Variants in P2RY14 observed in about 807,000 individuals in gnomAD.
P2RY14 encodes the protein purinergic receptor P2Y14.
A neutral mutation model predicts 0.9 loss-of-function variants in P2RY14; 2 were observed. The observed-to-expected ratio is 2.16, with a 90% CI of 0.88 to 6.79. The LOEUF is 6.79. P2RY14 is among the 30% of genes most tolerant of loss of function. The pLI, the probability that P2RY14 is intolerant of heterozygous loss-of-function variation, is 0.05. For missense variants in P2RY14, 378 were observed against 400.1 expected (o/e 0.94, Z 0.47); for synonymous variants, 158 against 147.2 (o/e 1.07, Z -0.53).
intron 1 of P2RY14, among the ~76,000 whole-genome samples, chr3:151,267,707 G>C (rs1040025845): frequency 3.9e-5 from 6 of 152,040 alleles, no homozygotes; most frequent in African/African-American, 1.4e-4. Flanking sequence ...GTTTTCAACA[G>C]AGCTGCTGTG....
At chr3:151,234,669 C>A (rs1422472048) in intron 1 of P2RY14, among the ~76,000 whole-genome samples, 1 of 152,206 alleles carries the variant, frequency 6.6e-6, no homozygotes, top group East Asian at 1.9e-4. Flanking sequence ...AGAGCCCCTA[C>A]AACTAGGACC....
chr3:151,265,741 C>T (rs1318336062), intron 1 of P2RY14, among the ~76,000 whole-genome samples: 1 of 152,134 alleles, frequency 6.6e-6, no homozygotes, highest in Non-Finnish European at 1.5e-5. Context: ...CCATCTCAGC[C>T]TCACCAAGAG....
chr3:151,216,068 A>G (rs780917731), intron 2 of P2RY14, among the ~76,000 whole-genome samples: 1 of 152,152 alleles, frequency 6.6e-6, no homozygotes, highest in South Asian at 2.1e-4. Flanking sequence ...TCTTTCTCCT[A>G]TCAACACTCC....
At chr3:151,249,663 A>G (rs1320128045) in intron 1 of P2RY14, among the ~76,000 whole-genome samples, 1 of 152,110 alleles carries the variant, frequency 6.6e-6, no homozygotes, top group Admixed American at 6.6e-5. Flanking sequence ...CCAGCCTTGA[A>G]TGGGGGCTTT....
intron 1 of P2RY14, chr3:151,269,422 CACACACACACACACACACAA>C (rs1361224071): frequency 4.7e-6 from 1 of 214,286 alleles, no homozygotes; most frequent in African/African-American, 2.4e-5. Context: ...CACACACACA[CACACACACACACACACACAA>C]AATTCAGAGA....
chr3:151,262,873 T>G (rs745642504), intron 1 of P2RY14, among the ~76,000 whole-genome samples: 8 of 152,148 alleles, frequency 5.3e-5, no homozygotes, highest in Non-Finnish European at 1.2e-4. Context: ...GTCTCCTCAG[T>G]TAAATGATAG....
chr3:151,232,775 G>A (rs985634428), intron 1 of P2RY14, among the ~76,000 whole-genome samples: 1 of 152,118 alleles, frequency 6.6e-6, no homozygotes, highest in African/African-American at 2.4e-5. Flanking sequence ...AGACACTGAG[G>A]CTTACTTGAG....
chr3:151,261,420 A>C (rs1738862757), intron 1 of P2RY14: 3 of 152,140 alleles, frequency 2.0e-5, no homozygotes, highest in Non-Finnish European at 4.4e-5. Flanking sequence ...GATGGTGGCC[A>C]TGGCTTGCTA....
rs113243663 is a variant in P2RY14 at position 151,247,306 on chromosome 3, A to G, written c.-132-27664T>C. ...ATAAATCATGCTGCTATAAAGACAC[A>G]TGCACACGTATGTTTATTGTGGCAT... is the stretch of plus-strand genomic sequence containing the variant. On this transcript the variant is annotated intron_variant, in intron 1 of 2. Coordinates refer to ENST00000309170, the MANE Select transcript of P2RY14 (RefSeq NM_014879.4). Among the ~76,000 whole-genome samples the G allele has an allele frequency of 6.8e-3, 1,038 of 152,222 alleles. 7 individuals carry two copies. The highest frequency in any genetic ancestry group is 0.015 in the South Asian group (70 of 4,802).
At chr3:151,268,927 G>A (rs945834203) in intron 1 of P2RY14, among the ~76,000 whole-genome samples, 4 of 152,168 alleles carry the variant, frequency 2.6e-5, no homozygotes, top group Non-Finnish European at 1.5e-5. Context: ...AAAAAATTAA[G>A]TTTTCTGAGC....
chr3:151,217,708 G>A (rs1728515963), intron 2 of P2RY14, among the ~76,000 whole-genome samples: 1 of 152,134 alleles, frequency 6.6e-6, no homozygotes, highest in Non-Finnish European at 1.5e-5. Context: ...CATCTTAAAG[G>A]AACACTCTAA....
intron 1 of P2RY14, among the ~76,000 whole-genome samples, chr3:151,242,054 C>T (rs546231416): frequency 5.9e-5 from 9 of 152,256 alleles, no homozygotes; most frequent in African/African-American, 1.7e-4. Flanking sequence ...CCGAATACTG[C>T]GCTTTTCCGA....
intron 1 of P2RY14, among the ~76,000 whole-genome samples, chr3:151,275,230 A>G (rs184389641): frequency 1.4e-4 from 21 of 152,310 alleles, no homozygotes; most frequent in African/African-American, 4.8e-4. Context: ...AAGTGATCAC[A>G]CCACAAGTGT....
At chr3:151,272,930 C>T (rs192035997) in intron 1 of P2RY14, among the ~76,000 whole-genome samples, 2 of 152,236 alleles carry the variant, frequency 1.3e-5, no homozygotes, top group East Asian at 3.9e-4. Context: ...TATCCCTAAT[C>T]CCAAAATCTG....
chr3:151,213,209 T>G lies in P2RY14; in HGVS notation c.*91A>C. The G allele has an allele frequency of 1.0e-6, 1 of 979,588 alleles. No homozygotes were observed. The highest frequency in any genetic ancestry group is 1.7e-5 in the South Asian group (1 of 59,328). The allele number at this position is 979,588 out of a possible 1,614,324, so 60.7% of individuals were successfully genotyped here. A position where few individuals can be genotyped will look rare whatever the true frequency, so the allele number is the denominator to read the frequency against. ...GGATGGCAGTGCTAGAGATGATATT[T>G]ATGATGAGGGCACATATCTTATTGA... On this transcript the variant is annotated 3_prime_UTR_variant, in exon 3 of 3. Transcript: ENST00000309170.
intron 2 of P2RY14, among the ~76,000 whole-genome samples, chr3:151,214,801 G>A (rs1027909050): frequency 1.3e-5 from 2 of 152,084 alleles, no homozygotes; most frequent in Non-Finnish European, 2.9e-5. Context: ...ACTCATTTAG[G>A]TATAATCTTA....
chr3:151,232,742 C>G (rs560904066), intron 1 of P2RY14, among the ~76,000 whole-genome samples: 2 of 152,250 alleles, frequency 1.3e-5, no homozygotes, highest in African/African-American at 4.8e-5. Flanking sequence ...ATCATGAGAA[C>G]TCATGGACAC....
intron 1 of P2RY14, among the ~76,000 whole-genome samples, chr3:151,253,467 A>G (rs972727276): frequency 1.1e-4 from 17 of 152,256 alleles, no homozygotes; most frequent in Admixed American, 9.8e-4. Flanking sequence ...GCCGTTTCCT[A>G]AGCCTGGCAT....
At chr3:151,264,361 A>G (rs1383651013) in intron 1 of P2RY14, among the ~76,000 whole-genome samples, 3 of 152,244 alleles carry the variant, frequency 2.0e-5, no homozygotes, top group African/African-American at 7.2e-5. Flanking sequence ...TAAATGGAAG[A>G]ACTGAACTCT....
Sources: allele counts gnomAD v4.1 joint callset (sites outside exome capture counted in the v4.1 genomes callset), GRCh38; gene constraint gnomAD v4.1.1; transcripts MANE v1.5; gene names NCBI Gene and HGNC (gene_info 2026-07-23, HGNC 2026-07-21).